PIP4K2A: variants seen among roughly 807,000 people sequenced by gnomAD.
The protein encoded by PIP4K2A is phosphatidylinositol-5-phosphate 4-kinase type 2 alpha.
In PIP4K2A, 14 loss-of-function variants were observed where a neutral mutation model predicts 42.9. The observed-to-expected ratio is 0.33, with a 90% CI of 0.22 to 0.51. The LOEUF (loss-of-function observed/expected upper bound fraction) is 0.51. PIP4K2A is among the 20% of genes least tolerant of loss of function. The probability of loss-of-function intolerance (pLI) is 0.97; values close to 1 mark genes in which losing one functional copy is unlikely to be tolerated. For synonymous variants in PIP4K2A, 192 were observed against 192.2 expected (o/e 1.00, Z 0.01); for missense variants, 434 against 519.8 (o/e 0.83, Z 1.61).
At chr10:22,662,559 T>C (rs1164333124) in intron 1 of PIP4K2A, among the ~76,000 whole-genome samples, 1 of 152,160 alleles carries the variant, frequency 6.6e-6, no homozygotes, top group African/African-American at 2.4e-5. Flanking sequence ...TGCCCTTTAA[T>C]ATACAGGGTA....
At chr10:22,618,688 A>G (rs1838243708) in intron 1 of PIP4K2A, among the ~76,000 whole-genome samples, 1 of 152,214 alleles carries the variant, frequency 6.6e-6, no homozygotes, top group Admixed American at 6.5e-5. Flanking sequence ...GGAGAGGTGC[A>G]GAGGGCTTGG....
intron 1 of PIP4K2A, among the ~76,000 whole-genome samples, chr10:22,671,138 G>A (rs762438855): frequency 4.0e-5 from 6 of 151,782 alleles, no homozygotes; most frequent in African/African-American, 9.7e-5. Context: ...ACACACCCAC[G>A]TCCACACATA....
intron 1 of PIP4K2A, among the ~76,000 whole-genome samples, chr10:22,629,424 A>T (rs1838506507): frequency 6.6e-6 from 1 of 152,222 alleles, no homozygotes; most frequent in African/African-American, 2.4e-5. Context: ...GAATGGAATG[A>T]CAATTTTTAT....
Position 22,698,171 on chromosome 10 carries a change from G to C in PIP4K2A, c.144+16012C>G, listed in dbSNP as rs371770454. On this transcript the variant is annotated intron_variant, in intron 1 of 9. Coordinates refer to ENST00000376573, the MANE Select transcript of PIP4K2A (RefSeq NM_005028.5). ...GAAGCCATCTTCCAACCTCAGACCTGATACTCCCACACTGCCCATGTGCGT... is the reference window on the plus strand; with the variant it reads ...GAAGCCATCTTCCAACCTCAGACCTCATACTCCCACACTGCCCATGTGCGT... Among the ~76,000 whole-genome samples the C allele has an allele frequency of 7.2e-5, 11 of 152,242 alleles. No homozygotes were observed. In the East Asian group the frequency reaches 2.1e-3, roughly 29 times the overall value.
At chr10:22,539,140 G>A (rs184115546) in intron 9 of PIP4K2A, among the ~76,000 whole-genome samples, 14 of 152,310 alleles carry the variant, frequency 9.2e-5, no homozygotes, top group African/African-American at 3.1e-4. Flanking sequence ...GTTCAGCCAG[G>A]CAGGAGGTGT....
At chr10:22,573,530 C>T (rs535087618) in intron 4 of PIP4K2A, 73 bp from the exon 5 acceptor site, 78 of 1,316,150 alleles carry the variant, frequency 5.9e-5, no homozygotes, top group Middle Eastern at 1.9e-4. Context: ...AAAATACATA[C>T]GCCTATGGTG....
At chr10:22,567,202 C>A (rs76892723) in intron 6 of PIP4K2A, among the ~76,000 whole-genome samples, 6,769 of 152,256 alleles carry the variant, frequency 0.044, 346 homozygotes, top group African/African-American at 0.13. Context: ...ATCCAGGAAG[C>A]TACTTCCTAA....
chr10:22,686,097 T>C (rs373350104), intron 1 of PIP4K2A, among the ~76,000 whole-genome samples: 3 of 152,258 alleles, frequency 2.0e-5, no homozygotes, highest in East Asian at 3.9e-4. Context: ...TGCTGTGCTT[T>C]TGAGTGTTTA....
At position 22,683,404 on chromosome 10, in the gene PIP4K2A, T is replaced by C. The variant is rs548925162; in HGVS notation, c.144+30779A>G. ...GAGGTGGGCCAAGTGCAAGGGGACCTGAGTCAGAGCCAGGTTTGATCCTGA... is the reference window on the plus strand; with the variant it reads ...GAGGTGGGCCAAGTGCAAGGGGACCCGAGTCAGAGCCAGGTTTGATCCTGA... On this transcript the variant is annotated intron_variant, in intron 1 of 9. Transcript: ENST00000376573. 3.3e-5 allele frequency among the ~76,000 whole-genome samples: 5 copies of C among 152,318 alleles called. No homozygotes were observed. In the South Asian group the frequency reaches 8.3e-4, roughly 25 times the overall value.
In PIP4K2A at chr10:22,712,671, T is replaced by C. The variant is rs530904842; in HGVS notation, c.144+1512A>G. 2.2e-3 allele frequency among the ~76,000 whole-genome samples: 342 copies of C among 152,338 alleles called. 9 individuals are homozygous for C. Among genetic ancestry groups the C allele is most frequent in the South Asian group, 0.011 (54 of 4,828 alleles). On this transcript the variant is annotated intron_variant, in intron 1 of 9. Coordinates refer to ENST00000376573, the MANE Select transcript of PIP4K2A (RefSeq NM_005028.5). ...GAGGAGTTTTTGGTGCAGTAATGCA[T>C]GCTCTTGTAACAACTTACATTCCCA...
At chr10:22,607,663 A>G (rs566015639) in intron 3 of PIP4K2A, among the ~76,000 whole-genome samples, 1 of 152,286 alleles carries the variant, frequency 6.6e-6, no homozygotes, top group African/African-American at 2.4e-5. Flanking sequence ...TGAGAGTATT[A>G]TATAAAACCC....
rs375709819 is a variant in PIP4K2A, at chr10:22,573,515, G to T, written c.493-58C>A. On this transcript the variant is annotated intron_variant, in intron 4 of 9. Coordinates refer to ENST00000376573, the MANE Select transcript of PIP4K2A (RefSeq NM_005028.5). ...ATCCAATCAAAAGATTGCTTCCTTA[G>T]ATGTAAAATACATACGCCTATGGTG... 7.5e-6 allele frequency: 11 copies of T among 1,462,998 alleles called. No homozygotes were observed. In the African/African-American group the frequency reaches 1.3e-4, roughly 17 times the overall value. The allele number at this position is 1,462,998 out of a possible 1,614,324, so 90.6% of individuals were successfully genotyped here. A position where few individuals can be genotyped will look rare whatever the true frequency, so the allele number is the denominator to read the frequency against.
At chr10:22,588,221 C>T (rs896507178) in intron 4 of PIP4K2A, among the ~76,000 whole-genome samples, 7 of 152,152 alleles carry the variant, frequency 4.6e-5, no homozygotes, top group Non-Finnish European at 7.4e-5. Flanking sequence ...ATTAGCAAAA[C>T]GGTGCTGCAA....
Position 22,626,694 on chromosome 10 carries a change from G to A in PIP4K2A, c.145-16977C>T, listed in dbSNP as rs530342360. On this transcript the variant is annotated intron_variant, in intron 1 of 9. Coordinates refer to ENST00000376573, the MANE Select transcript of PIP4K2A (RefSeq NM_005028.5). ...ATACAAATTTACTTCATATTTTAAT[G>A]TAAAGTATAGGGGTGTGGTTTATAA... is the stretch of plus-strand genomic sequence containing the variant. 7.2e-5 allele frequency among the ~76,000 whole-genome samples: 11 copies of A among 152,276 alleles called. No individual in the cohort carries two copies. The South Asian group carries it at 2.1e-3, about 29-fold the overall frequency.
chr10:22,607,957 C>T lies in PIP4K2A; in HGVS notation c.309G>A (p.Glu103=). ...YCPMVFRNLR[E]RFGIDDQDFQ... The stretch of plus-strand genomic sequence containing the variant: ...AATCTTGATCATCAATTCCAAACCT[C>T]TCCCGCAGGTTACGGAAGACCATCG... Residue 103 remains glutamate (E), a synonymous_variant, in exon 3 of 10, where the codon GAG becomes GAA. Coordinates refer to ENST00000376573, the MANE Select transcript of PIP4K2A (RefSeq NM_005028.5). 6.2e-7 allele frequency: 1 copy of T among 1,613,334 alleles called. No homozygotes were observed. The highest frequency in any genetic ancestry group is 1.1e-5 in the South Asian group (1 of 90,990).
chr10:22,688,794 T>G (rs1839807728), intron 1 of PIP4K2A, among the ~76,000 whole-genome samples: 1 of 152,118 alleles, frequency 6.6e-6, no homozygotes, highest in Non-Finnish European at 1.5e-5. Context: ...TCAACAATAT[T>G]AGGTCTTCAG....
chr10:22,692,383 C>G (rs1341916115), intron 1 of PIP4K2A, among the ~76,000 whole-genome samples: 2 of 152,108 alleles, frequency 1.3e-5, no homozygotes, highest in African/African-American at 4.8e-5. Flanking sequence ...TCACCTCCTG[C>G]TGTGTGGCCC....
chr10:22,664,171 A>ATG (rs1564460228), intron 1 of PIP4K2A, among the ~76,000 whole-genome samples: 4 of 60,198 alleles, frequency 6.6e-5, no homozygotes, highest in East Asian at 2.8e-4. Flanking sequence ...ATATATACAT[A>ATG]TATATATATA....
intron 7 of PIP4K2A, among the ~76,000 whole-genome samples, chr10:22,545,057 A>G (rs1836228368): frequency 6.6e-6 from 1 of 152,142 alleles, no homozygotes; most frequent in South Asian, 2.1e-4. Flanking sequence ...TTTGGCTTTC[A>G]CTGCATTCCC....
Sources: gnomAD v4.1 joint callset for allele counts (sites outside exome capture counted in the v4.1 genomes callset) on GRCh38, gnomAD v4.1.1 for gene constraint, MANE v1.5 for transcripts, NCBI Gene and HGNC (gene_info 2026-07-23, HGNC 2026-07-21) for gene names.